The following FILIP1 variants were observed in gnomAD, a reference collection of about 807,000 sequenced individuals.
The protein encoded by FILIP1 is filamin A interacting protein 1.
A neutral mutation model predicts 102.1 loss-of-function variants in FILIP1; 61 were observed. The ratio of observed to expected loss-of-function variants is 0.60; its 90% CI spans 0.49 to 0.74. FILIP1 has a LOEUF of 0.74. FILIP1 is among the 30% of genes least tolerant of loss of function. The pLI is 0.00. For missense variants in FILIP1, 1,314 were observed against 1,441.2 expected, an observed-to-expected ratio of 0.91 and a Z score of 1.43; for synonymous variants, 491 against 526.9, an observed-to-expected ratio of 0.93 and a Z score of 0.93.
chr6:75,460,710 T>C (rs1159293861), intron 1 of FILIP1, among the ~76,000 whole-genome samples: 2 of 152,226 alleles, frequency 1.3e-5, no homozygotes, highest in Non-Finnish European at 1.5e-5. Flanking sequence ...ATGTGAGCCT[T>C]AGTCCTCATT....
At chr6:75,346,054 A>T (rs1774570212) in intron 4 of FILIP1, among the ~76,000 whole-genome samples, 1 of 152,198 alleles carries the variant, frequency 6.6e-6, no homozygotes, top group African/African-American at 2.4e-5. Context: ...TCTGTAGTAA[A>T]ACGTGATCAG....
rs138274244 is a variant in FILIP1, at chr6:75,395,783, TAA to T, written c.276+18912_276+18913del. ...ATTGTAGTGACACTTTATCAAAAAA[TAA>T]AAGTTTCCGAACACCTGGACAGAAC... On this transcript the variant is annotated intron_variant, in intron 2 of 5. Coordinates refer to ENST00000237172, the MANE Select transcript of FILIP1 (RefSeq NM_015687.5). Among the ~76,000 whole-genome samples, 11 of 152,268 alleles carry T rather than the reference TAA, an allele frequency of 7.2e-5. No homozygotes were observed. The East Asian group carries it at 1.7e-3, about 24-fold the overall frequency.
chr6:75,319,672 T>C (rs1190020495), intron 4 of FILIP1: 17 of 340,402 alleles, frequency 5.0e-5, no homozygotes, highest in South Asian at 4.7e-4. Context: ...CTACTAAAAA[T>C]ACAAAAAATT....
chr6:75,343,903 A>T (rs1204227805), intron 4 of FILIP1, among the ~76,000 whole-genome samples: 1 of 152,240 alleles, frequency 6.6e-6, no homozygotes, highest in East Asian at 1.9e-4. Context: ...CAGATTAGTT[A>T]AGATGATGGG....
chr6:75,358,728 T>C (rs1387890740), intron 3 of FILIP1: 2 of 152,094 alleles, frequency 1.3e-5, no homozygotes, highest in Admixed American at 1.3e-4. Context: ...AATTTTTTAA[T>C]TTTTATTTTT....
In FILIP1 at chr6:75,375,399, G is replaced by A. The variant is rs74735252; in HGVS notation, c.277-12482C>T. On this transcript the variant is annotated intron_variant, in intron 2 of 5. Coordinates refer to ENST00000237172, the MANE Select transcript of FILIP1 (RefSeq NM_015687.5). ...CTTTGGGGCACACACAACTGTGTTC[G>A]CTGTGCACTTACAGGGGCAGCCATC... 7.3e-3 allele frequency among the ~76,000 whole-genome samples: 1,119 copies of A among 152,274 alleles called. 37 individuals are homozygous for A. The East Asian group carries it at 0.11, about 14-fold the overall frequency.
intron 1 of FILIP1, among the ~76,000 whole-genome samples, chr6:75,418,189 C>A (rs879107906): frequency 1.3e-5 from 2 of 152,188 alleles, no homozygotes; most frequent in Non-Finnish European, 2.9e-5. Flanking sequence ...CAGAGCAAGA[C>A]TCCGTCTCAA....
intron 6 of FILIP1, among the ~76,000 whole-genome samples, chr6:75,301,175 T>C (rs555083511): frequency 9.3e-4 from 142 of 152,290 alleles, no homozygotes; most frequent in African/African-American, 3.3e-3. Flanking sequence ...CTGCGCTTTT[T>C]AAATGAGGAC....
downstream of FILIP1, among the ~76,000 whole-genome samples, chr6:75,303,954 T>C (rs1488125838): frequency 2.0e-5 from 3 of 152,006 alleles, no homozygotes; most frequent in Admixed American, 1.3e-4. Flanking sequence ...AGACTGAATA[T>C]GGAAGCAGAG....
intron 4 of FILIP1, chr6:75,320,050 G>A (rs968356695): frequency 2.3e-5 from 6 of 264,060 alleles, no homozygotes; most frequent in Non-Finnish European, 4.4e-5. Flanking sequence ...CCCCGGTGCT[G>A]TCTCTATGGA....
intron 2 of FILIP1, among the ~76,000 whole-genome samples, chr6:75,408,558 A>C (rs1238240190): frequency 6.6e-6 from 1 of 152,246 alleles, no homozygotes; most frequent in Non-Finnish European, 1.5e-5. Flanking sequence ...AGTTACCAAA[A>C]GTGGCAGGGC....
intron 4 of FILIP1, among the ~76,000 whole-genome samples, chr6:75,350,761 A>G (rs1178016975): frequency 2.0e-5 from 3 of 152,222 alleles, no homozygotes; most frequent in Admixed American, 2.0e-4. Flanking sequence ...AACTTATACT[A>G]CCTCAGGCAT....
chr6:75,366,855 C>T (rs1562507746), intron 2 of FILIP1, among the ~76,000 whole-genome samples: 1 of 152,118 alleles, frequency 6.6e-6, no homozygotes, highest in African/African-American at 2.4e-5. Flanking sequence ...ATTTCAAAAT[C>T]AGAGCAGTCT....
chr6:75,492,666 T>C (rs73749653), intron 1 of FILIP1, among the ~76,000 whole-genome samples: 2,785 of 152,286 alleles, frequency 0.018, 46 homozygotes, highest in South Asian at 0.059. Context: ...AACACATTCA[T>C]ACACACACAC....
At chr6:75,374,442 G>A (rs998873197) in intron 2 of FILIP1, among the ~76,000 whole-genome samples, 3 of 152,164 alleles carry the variant, frequency 2.0e-5, no homozygotes, top group Non-Finnish European at 2.9e-5. Flanking sequence ...ACAGTGGTGC[G>A]ATCTCAGCTC....
intron 1 of FILIP1, among the ~76,000 whole-genome samples, chr6:75,484,324 A>G (rs1164989403): frequency 1.3e-5 from 2 of 152,160 alleles, no homozygotes; most frequent in African/African-American, 4.8e-5. Flanking sequence ...TTGTAACTTG[A>G]GCTGAGTGAC....
chr6:75,374,287 A>G (rs1775675719), intron 2 of FILIP1, among the ~76,000 whole-genome samples: 2 of 152,210 alleles, frequency 1.3e-5, no homozygotes. Context: ...TTCTATGCTG[A>G]TAAAGACCTT....
intron 1 of FILIP1, among the ~76,000 whole-genome samples, chr6:75,446,649 A>G (rs770443503): frequency 5.9e-5 from 9 of 152,130 alleles, no homozygotes; most frequent in Non-Finnish European, 1.3e-4. Flanking sequence ...ACAACTGCCA[A>G]CTTTTGCATA....
At chr6:75,422,181 CAT>C (rs958818259) in intron 1 of FILIP1, among the ~76,000 whole-genome samples, 1 of 151,870 alleles carries the variant, frequency 6.6e-6, no homozygotes, top group Non-Finnish European at 1.5e-5. Flanking sequence ...ACCTCAAGTA[CAT>C]GTTAAAATAT....
Sources: allele counts gnomAD v4.1 joint callset (sites outside exome capture counted in the v4.1 genomes callset), GRCh38; gene constraint gnomAD v4.1.1; transcripts MANE v1.5; gene names NCBI Gene and HGNC (gene_info 2026-07-23, HGNC 2026-07-21).